Variants in UTRN observed in about 807,000 individuals in gnomAD.
UTRN encodes dystrophin-related protein 1.
In UTRN, 283 loss-of-function variants were observed where a neutral mutation model predicts 463.9. The observed-to-expected ratio is 0.61, with a 90% CI of 0.55 to 0.67. The LOEUF (loss-of-function observed/expected upper bound fraction) is 0.67, where lower values mean the gene tolerates loss of function less well. Ranked by LOEUF, UTRN falls within the 30% of genes least tolerant of loss-of-function variation. The pLI, the probability that UTRN is intolerant of heterozygous loss-of-function variation, is 0.00. For missense variants in UTRN, 3,922 were observed against 4,084.3 expected (o/e 0.96, Z 1.08); for synonymous variants, 1,442 against 1,431.5 (o/e 1.01, Z -0.17).
chr6:144,432,378 C>T lies in UTRN; in HGVS notation c.855+2637C>T, dbSNP rs548741683. On this transcript the variant is annotated intron_variant, in intron 9 of 74. Coordinates refer to ENST00000367545, the MANE Select transcript of UTRN (RefSeq NM_007124.3). ...TGTCTCTCTCTCTCTTTCTGTCACT[C>T]TATCTTGGTTTCTTACTATCACAGT... Among the ~76,000 whole-genome samples the T allele has an allele frequency of 3.9e-5, 6 of 152,328 alleles. No homozygotes were observed. The South Asian group carries it at 1.2e-3, about 32-fold the overall frequency.
chr6:144,629,960 C>T (rs1367663404), intron 51 of UTRN, among the ~76,000 whole-genome samples: 1 of 151,982 alleles, frequency 6.6e-6, no homozygotes, highest in African/African-American at 2.4e-5. Context: ...CTGAAGCAGG[C>T]GGATCATGAG....
intron 28 of UTRN, among the ~76,000 whole-genome samples, chr6:144,486,399 TA>T (rs1219016867): frequency 1.2e-4 from 18 of 152,228 alleles, no homozygotes; most frequent in Non-Finnish European, 2.6e-4. Context: ...AAGAAAAGTA[TA>T]AAGCAAACTC....
chr6:144,447,805 G>C lies in UTRN; in HGVS notation c.1902+24G>C, dbSNP rs558185938. 4 of 1,580,720 alleles carry C rather than the reference G, an allele frequency of 2.5e-6. No individual in the cohort carries two copies. The Admixed American group carries it at 5.6e-5, about 22-fold the overall frequency. ...AGGTACTTTTTGATTTGGATCATAT[G>C]TTGTGCCATGAAGTAAACATTTAAA... On this transcript the variant is annotated intron_variant, in intron 16 of 74. Coordinates refer to ENST00000367545, the MANE Select transcript of UTRN (RefSeq NM_007124.3).
intron 9 of UTRN, among the ~76,000 whole-genome samples, chr6:144,433,669 C>T (rs1417156890): frequency 2.4e-5 from 3 of 127,334 alleles, no homozygotes; most frequent in Admixed American, 1.5e-4. Context: ...CAGACGGGGT[C>T]GCGGCCGGGC....
chr6:144,602,454 C>T (rs2128637249), intron 51 of UTRN, among the ~76,000 whole-genome samples: 1 of 152,180 alleles, frequency 6.6e-6, no homozygotes, highest in Non-Finnish European at 1.5e-5. Context: ...CAGCATATTT[C>T]TCATCACAAA....
chr6:144,647,811 C>T (rs1778435056), intron 51 of UTRN, among the ~76,000 whole-genome samples: 1 of 152,180 alleles, frequency 6.6e-6, no homozygotes, highest in Admixed American at 6.5e-5. Context: ...ATGGATAGTT[C>T]AAAATGGAAG....
At chr6:144,778,033 A>G (rs1157222129) in intron 60 of UTRN, among the ~76,000 whole-genome samples, 1 of 152,044 alleles carries the variant, frequency 6.6e-6, no homozygotes, top group African/African-American at 2.4e-5. Flanking sequence ...ATTTTTCGTT[A>G]TAGAATGGGG....
chr6:144,846,423 G>T (rs1782018242), intron 73 of UTRN, among the ~76,000 whole-genome samples: 1 of 152,198 alleles, frequency 6.6e-6, no homozygotes, highest in African/African-American at 2.4e-5. Context: ...TATGCCTTCA[G>T]TGGTCCCTTG....
chr6:144,629,049 A>G (rs9403571), intron 51 of UTRN, among the ~76,000 whole-genome samples: 38,983 of 151,914 alleles, frequency 0.26, 5,700 homozygotes, highest in African/African-American at 0.4. Flanking sequence ...TCTTTATGAA[A>G]TTTTCTTTTA....
intron 51 of UTRN, among the ~76,000 whole-genome samples, chr6:144,606,289 C>G (rs1585529694): frequency 6.6e-6 from 1 of 152,244 alleles, no homozygotes; most frequent in African/African-American, 2.4e-5. Context: ...GATGTAATTA[C>G]CAATACAAAC....
At chr6:144,753,918 G>A (rs910347378) in intron 56 of UTRN, among the ~76,000 whole-genome samples, 2 of 151,860 alleles carry the variant, frequency 1.3e-5, no homozygotes, top group East Asian at 3.9e-4. Flanking sequence ...AAAATACGAA[G>A]AGTACATTAA....
At chr6:144,323,465 A>G (rs564537442) in intron 2 of UTRN, among the ~76,000 whole-genome samples, 262 of 152,334 alleles carry the variant, frequency 1.7e-3, no homozygotes, top group Non-Finnish European at 2.7e-3. Context: ...TTTTGTGATA[A>G]TCTGTTTTAA....
At chr6:144,507,027 TG>T (rs1429380383) in intron 34 of UTRN, among the ~76,000 whole-genome samples, 1 of 152,072 alleles carries the variant, frequency 6.6e-6, no homozygotes, top group Non-Finnish European at 1.5e-5. Context: ...CTTCAATCTC[TG>T]ATATGCTTTC....
intron 54 of UTRN, among the ~76,000 whole-genome samples, chr6:144,733,819 G>T (rs541670710): frequency 2.6e-5 from 4 of 152,274 alleles, no homozygotes; most frequent in Non-Finnish European, 5.9e-5. Flanking sequence ...AAAATGAACT[G>T]CTCAGGTCTC....
At chr6:144,547,790 G>GT (rs1338232758) in intron 46 of UTRN, among the ~76,000 whole-genome samples, 2 of 152,098 alleles carry the variant, frequency 1.3e-5, no homozygotes, top group Non-Finnish European at 2.9e-5. Context: ...TAATTTGACT[G>GT]TTTTTTGTCC....
chr6:144,361,772 C>CT (rs371182123), intron 2 of UTRN, among the ~76,000 whole-genome samples: 24,516 of 134,710 alleles, frequency 0.18, 2,395 homozygotes, highest in South Asian at 0.29. Context: ...TTCTTTCTTT[C>CT]TTTTTTTTTT....
In UTRN at chr6:144,577,150, C is replaced by T. The variant is rs1416952941; in HGVS notation, c.7341C>T (p.Ala2447=). ...ALEAEWRTVQ[A]SRRDLENFLK... is the part of the protein sequence containing the mutation. ...AGGCTGAGTGGAGGACGGTGCAGGC[C>T]TCTCGCAGAGATCTGGAAAACTTCC... Residue 2447 remains alanine, a synonymous_variant, in exon 51 of 75, where the codon GCC becomes GCT. Coordinates refer to ENST00000367545, the MANE Select transcript of UTRN (RefSeq NM_007124.3). 1.2e-6 allele frequency: 2 copies of T among 1,613,880 alleles called. No homozygotes were observed. Among genetic ancestry groups the T allele is most frequent in the South Asian group, 1.1e-5 (1 of 91,086 alleles).
chr6:144,821,971 A>G (rs28510815), intron 66 of UTRN, among the ~76,000 whole-genome samples: 1 of 151,998 alleles, frequency 6.6e-6, no homozygotes, highest in Non-Finnish European at 1.5e-5. Flanking sequence ...AGAGAAACTC[A>G]AAAGTGTGAA....
intron 2 of UTRN, among the ~76,000 whole-genome samples, chr6:144,367,490 A>G (rs1779614446): frequency 6.6e-6 from 1 of 152,128 alleles, no homozygotes; most frequent in Admixed American, 6.6e-5. Context: ...TTGTTGAATA[A>G]TATCTAAATT....
Sources: allele counts gnomAD v4.1 joint callset (sites outside exome capture counted in the v4.1 genomes callset), GRCh38; gene constraint gnomAD v4.1.1; transcripts MANE v1.5; gene names NCBI Gene and HGNC (gene_info 2026-07-23, HGNC 2026-07-21).